The following UNC13C variants were observed in gnomAD, a reference collection of about 807,000 sequenced individuals.
UNC13C encodes protein unc-13 homolog C.
A neutral mutation model predicts 245.4 loss-of-function variants in UNC13C; 174 were observed. That is an observed-to-expected ratio of 0.71 (90% CI 0.63 to 0.80). UNC13C has a LOEUF of 0.80. Ranked by LOEUF, UNC13C falls within the 30% of genes least tolerant of loss-of-function variation. The pLI, the probability that UNC13C is intolerant of heterozygous loss-of-function variation, is 0.00. For synonymous variants in UNC13C, 992 were observed against 895.1 expected, an observed-to-expected ratio of 1.11 and a Z score of -1.93; for missense variants, 2,829 against 2,602.9, an observed-to-expected ratio of 1.09 and a Z score of -1.89.
the UNC13C span, among the ~76,000 whole-genome samples, chr15:53,952,320 A>G: frequency 6.6e-6 from 1 of 152,172 alleles, no homozygotes; most frequent in Non-Finnish European, 1.5e-5. Flanking sequence ...ATTGGACAGA[A>G]AAGGAAATAG....
intron 7 of UNC13C, among the ~76,000 whole-genome samples, chr15:54,244,788 A>G (rs1214283244): frequency 1.3e-5 from 2 of 152,096 alleles, no homozygotes; most frequent in Admixed American, 6.6e-5. Flanking sequence ...TTGTTTGCGT[A>G]TAGAGATGCT....
At chr15:54,620,666 G>C (rs1900741331) in intron 30 of UNC13C, among the ~76,000 whole-genome samples, 1 of 151,684 alleles carries the variant, frequency 6.6e-6, no homozygotes, top group Non-Finnish European at 1.5e-5. Context: ...CATACTTCTA[G>C]TCCCAGGTAC....
chr15:53,939,121 A>T, the UNC13C span, among the ~76,000 whole-genome samples: 1 of 152,190 alleles, frequency 6.6e-6, no homozygotes, highest in Non-Finnish European at 1.5e-5. Flanking sequence ...AAAAAAGAGA[A>T]GAATCAAACA....
intron 2 of UNC13C, chr15:54,049,489 G>C: frequency 2.9e-6 from 1 of 344,478 alleles, no homozygotes; most frequent in Non-Finnish European, 5.8e-6. Flanking sequence ...AGAGTTCAAA[G>C]ATACTTTAGT....
the UNC13C span, among the ~76,000 whole-genome samples, chr15:53,936,980 C>T: frequency 6.6e-6 from 1 of 152,186 alleles, no homozygotes; most frequent in African/African-American, 2.4e-5. Flanking sequence ...TCTTCTCCTC[C>T]AAATGACTGC....
intron 6 of UNC13C, among the ~76,000 whole-genome samples, chr15:54,236,954 G>T (rs145901187): frequency 2.6e-3 from 403 of 152,220 alleles, no homozygotes; most frequent in African/African-American, 9.4e-3. Context: ...GCACTGCTGA[G>T]TTTCTTGTAT....
At chr15:54,122,070 A>G (rs578242333) in intron 2 of UNC13C, among the ~76,000 whole-genome samples, 1 of 151,936 alleles carries the variant, frequency 6.6e-6, no homozygotes, top group African/African-American at 2.4e-5. Flanking sequence ...GTAGCCAGTA[A>G]TATTTGCTAA....
chr15:54,371,153 G>A (rs1400560373), intron 17 of UNC13C, among the ~76,000 whole-genome samples: 1 of 151,818 alleles, frequency 6.6e-6, no homozygotes, highest in African/African-American at 2.4e-5. Context: ...CTTTAATCAA[G>A]GTCTCCACAA....
At chr15:54,616,259 C>CCTAGGAAACAAAGTTAATTTAA (rs1444708682) in intron 30 of UNC13C, among the ~76,000 whole-genome samples, 1 of 151,908 alleles carries the variant, frequency 6.6e-6, no homozygotes, top group Non-Finnish European at 1.5e-5. Context: ...AATAGGGAGT[C>CCTAGGAAACAAAGTTAATTTAA]CTAGGAAACA....
At chr15:54,336,056 G>T (rs2038566620) in intron 16 of UNC13C, among the ~76,000 whole-genome samples, 1 of 151,896 alleles carries the variant, frequency 6.6e-6, no homozygotes, top group Non-Finnish European at 1.5e-5. Context: ...TTTTGGAGGG[G>T]TTGATTTTCT....
At chr15:54,234,240 G>GTATATATA (rs71132791) in intron 4 of UNC13C, among the ~76,000 whole-genome samples, 1 of 148,118 alleles carries the variant, frequency 6.8e-6, no homozygotes, top group Non-Finnish European at 1.5e-5. Flanking sequence ...TCCCATGTCA[G>GTATATATA]TATATATATA....
intron 19 of UNC13C, among the ~76,000 whole-genome samples, chr15:54,419,737 A>C (rs1015928260): frequency 6.6e-6 from 1 of 152,110 alleles, no homozygotes; most frequent in African/African-American, 2.4e-5. Context: ...GATTTAGTTA[A>C]GTTACCTGGT....
At chr15:54,165,077 A>C (rs1438974114) in intron 4 of UNC13C, among the ~76,000 whole-genome samples, 2 of 152,160 alleles carry the variant, frequency 1.3e-5, no homozygotes, top group Non-Finnish European at 2.9e-5. Context: ...CTTGAGAGTG[A>C]AGTAAGTTTA....
At chr15:54,124,357 T>C (rs893880389) in intron 2 of UNC13C, among the ~76,000 whole-genome samples, 5 of 152,240 alleles carry the variant, frequency 3.3e-5, no homozygotes, top group Non-Finnish European at 7.3e-5. Context: ...TAGAGACATT[T>C]CACTATGGTT....
intron 19 of UNC13C, among the ~76,000 whole-genome samples, chr15:54,417,353 C>T (rs904984824): frequency 6.6e-6 from 1 of 152,096 alleles, no homozygotes. Flanking sequence ...GAGCTCAACA[C>T]CTTTGTGTTT....
chr15:54,149,199 A>G (rs7171454), intron 4 of UNC13C, among the ~76,000 whole-genome samples: 9,952 of 152,236 alleles, frequency 0.065, 644 homozygotes, highest in African/African-American at 0.17. Context: ...CTCCCCAGAC[A>G]TGCAAAACTG....
chr15:54,441,567 C>A (rs1469830031), intron 19 of UNC13C, among the ~76,000 whole-genome samples: 3 of 151,992 alleles, frequency 2.0e-5, no homozygotes, highest in African/African-American at 7.2e-5. Flanking sequence ...GTTTTCATAC[C>A]AATACCATGC....
At chr15:54,402,669 C>T (rs557641037) in intron 18 of UNC13C, among the ~76,000 whole-genome samples, 6 of 152,184 alleles carry the variant, frequency 3.9e-5, no homozygotes, top group African/African-American at 1.2e-4. Context: ...ATATCAGTAC[C>T]ATTATCATCC....
the UNC13C span, among the ~76,000 whole-genome samples, chr15:53,861,728 A>G: frequency 6.6e-6 from 1 of 152,208 alleles, no homozygotes; most frequent in African/African-American, 2.4e-5. Context: ...CTCAGTGGGC[A>G]TGTTAGCTTG....
Sources: gnomAD v4.1 joint callset for allele counts (sites outside exome capture counted in the v4.1 genomes callset) on GRCh38, gnomAD v4.1.1 for gene constraint, MANE v1.5 for transcripts, NCBI Gene and HGNC (gene_info 2026-07-23, HGNC 2026-07-21) for gene names.